NWD2: variants seen among roughly 807,000 people sequenced by gnomAD.
NWD2 encodes the protein NACHT and WD repeat domain containing 2, also known as NACHT and WD repeat domain-containing protein 2.
In NWD2, 37 loss-of-function variants were observed where a neutral mutation model predicts 132.7. The observed-to-expected ratio is 0.28, with a 90% CI of 0.21 to 0.37. The LOEUF (loss-of-function observed/expected upper bound fraction) is 0.37, where lower values mean the gene tolerates loss of function less well. Among genes scored for constraint, NWD2 ranks in the 10% least tolerant of loss-of-function variants. The probability of loss-of-function intolerance (pLI) is 1.00; values close to 1 mark genes in which losing one functional copy is unlikely to be tolerated. For synonymous variants in NWD2, 705 were observed against 803.0 expected, an observed-to-expected ratio of 0.88 and a Z score of 2.06; for missense variants, 1,592 against 2,122.4, an observed-to-expected ratio of 0.75 and a Z score of 4.91.
At chr4:37,423,380 A>G (rs1711880708) in intron 3 of NWD2, among the ~76,000 whole-genome samples, 1 of 152,170 alleles carries the variant, frequency 6.6e-6, no homozygotes, top group South Asian at 2.1e-4. Context: ...TCAAATATAT[A>G]TAGATGACTT....
chr4:37,405,305 G>A (rs972213187), intron 3 of NWD2, among the ~76,000 whole-genome samples: 9 of 152,142 alleles, frequency 5.9e-5, no homozygotes, highest in Non-Finnish European at 1.3e-4. Context: ...AACCATGTAA[G>A]GGAAGAGGTT....
chr4:37,286,083 T>TA (rs546106598), intron 1 of NWD2, among the ~76,000 whole-genome samples: 5 of 152,220 alleles, frequency 3.3e-5, no homozygotes, highest in Non-Finnish European at 7.4e-5. Flanking sequence ...ACTGAACAAG[T>TA]AGGATGTAAC....
chr4:37,362,359 A>G (rs1220102047), intron 3 of NWD2, among the ~76,000 whole-genome samples: 1 of 152,188 alleles, frequency 6.6e-6, no homozygotes, highest in Non-Finnish European at 1.5e-5. Context: ...GAATAGCCAA[A>G]ACAAAGCTAA....
intron 1 of NWD2, among the ~76,000 whole-genome samples, chr4:37,293,906 T>A (rs1629266): frequency 0.029 from 4,413 of 151,192 alleles, 224 homozygotes; most frequent in African/African-American, 0.1. Flanking sequence ...AAAAAAGATT[T>A]GGACTTTAAA....
intron 1 of NWD2, among the ~76,000 whole-genome samples, chr4:37,321,268 TA>T (rs1334129546): frequency 6.6e-6 from 1 of 152,146 alleles, no homozygotes; most frequent in East Asian, 1.9e-4. Context: ...TTATCTTCAA[TA>T]AAAAAATTGG....
intron 1 of NWD2, among the ~76,000 whole-genome samples, chr4:37,258,431 G>A (rs1359572789): frequency 6.6e-6 from 1 of 152,248 alleles, no homozygotes. Flanking sequence ...GGTCTTTTGA[G>A]TGAGTCAGTG....
In NWD2 at chr4:37,244,878, T is replaced by C. The variant is rs953039488; in HGVS notation, c.-190T>C. ...GCCGCGACAGGAGCCCGAGGGTCCG[T>C]ATGGCTTCTCCTCGCCGGCGGGTGC... On this transcript the variant is annotated 5_prime_UTR_variant, in exon 1 of 7. Coordinates refer to ENST00000309447, the MANE Select transcript of NWD2 (RefSeq NM_001144990.2). The surrounding 1 kb of genome is among the most constrained non-coding windows in gnomAD (Gnocchi z 5.5). The C allele has an allele frequency of 1.7e-5, 11 of 659,648 alleles. No individual in the cohort carries two copies. In the African/African-American group the frequency reaches 1.9e-4, roughly 12 times the overall value. The allele number at this position is 659,648 out of a possible 1,614,324, so 40.9% of individuals were successfully genotyped here.
intron 3 of NWD2, among the ~76,000 whole-genome samples, chr4:37,421,766 A>G (rs1399978001): frequency 1.3e-5 from 2 of 152,224 alleles, no homozygotes; most frequent in Non-Finnish European, 2.9e-5. Flanking sequence ...AATCACATTC[A>G]TTTTATTCAT....
Position 37,444,580 on chromosome 4 carries a change from G to A in NWD2, c.2592G>A (p.Met864Ile). The A allele has an allele frequency of 6.4e-7, 1 of 1,551,910 alleles. No individual in the cohort carries two copies. Among genetic ancestry groups the A allele is most frequent in the Non-Finnish European group, 8.7e-7 (1 of 1,147,052 alleles). Residue 864 changes from methionine (M) to isoleucine (I), a missense_variant, in exon 7 of 7, where the codon ATG becomes ATA. Coordinates refer to ENST00000309447, the MANE Select transcript of NWD2 (RefSeq NM_001144990.2). This position sits in a 1 kb window ranked among gnomAD's most constrained non-coding sequence, Gnocchi z 4.8. ...TGAACTTCAGCTGGCTTTATACCAT[G>A]ATCAAAATTGGCCAGTTTGACAAAG... ...IIMNFSWLYT[M>I]IKIGQFDKVL...
At chr4:37,285,817 C>A (rs946691129) in intron 1 of NWD2, among the ~76,000 whole-genome samples, 3 of 152,098 alleles carry the variant, frequency 2.0e-5, no homozygotes, top group African/African-American at 7.2e-5. Context: ...GTAGAAAATT[C>A]TGTGGTTCTC....
At chr4:37,266,120 A>G (rs1717747372) in intron 1 of NWD2, among the ~76,000 whole-genome samples, 1 of 151,800 alleles carries the variant, frequency 6.6e-6, no homozygotes, top group Non-Finnish European at 1.5e-5. Context: ...CACTTTTCAG[A>G]TTCTTATCCA....
chr4:37,311,772 T>C (rs377716354), intron 1 of NWD2, among the ~76,000 whole-genome samples: 2,391 of 139,608 alleles, frequency 0.017, 85 homozygotes, highest in African/African-American at 0.069. Flanking sequence ...GTCTAACATT[T>C]AAGTCTTTAA....
intron 6 of NWD2, among the ~76,000 whole-genome samples, chr4:37,440,395 C>G (rs1414227196): frequency 6.6e-6 from 1 of 152,176 alleles, no homozygotes; most frequent in African/African-American, 2.4e-5. Flanking sequence ...GGGCCAGTCC[C>G]AGCCCTGTAG....
chr4:37,356,869 C>T (rs76756413), intron 3 of NWD2, among the ~76,000 whole-genome samples: 1 of 152,122 alleles, frequency 6.6e-6, no homozygotes, highest in Non-Finnish European at 1.5e-5. Flanking sequence ...GAATTTCTGG[C>T]ATTTTTTAAC....
At chr4:37,370,713 C>T (rs186575795) in intron 3 of NWD2, among the ~76,000 whole-genome samples, 4 of 152,148 alleles carry the variant, frequency 2.6e-5, no homozygotes, top group East Asian at 3.8e-4. Flanking sequence ...AGATGAGATA[C>T]GCTTTTAAAG....
rs188680708 is a variant in NWD2 at position 37,412,784 on chromosome 4, T to C, written c.358-17788T>C. 3.9e-3 allele frequency among the ~76,000 whole-genome samples: 587 copies of C among 152,214 alleles called. 4 individuals carry two copies. The highest frequency in any genetic ancestry group is 0.013 in the African/African-American group (522 of 41,532). On this transcript the variant is annotated intron_variant, in intron 3 of 6. Transcript: ENST00000309447. Reference sequence around the variant, plus strand: ...CATGTTACTGTTACCAAAACAGATATATAGACCAATAGAACAGAACACAGG... The same window carrying C: ...CATGTTACTGTTACCAAAACAGATACATAGACCAATAGAACAGAACACAGG...
At chr4:37,315,354 A>G (rs1417402342) in intron 1 of NWD2, among the ~76,000 whole-genome samples, 1 of 152,100 alleles carries the variant, frequency 6.6e-6, no homozygotes, top group African/African-American at 2.4e-5. Context: ...TATTTCATCA[A>G]TTATTGAGAA....
At chr4:37,416,314 T>C (rs1479459428) in intron 3 of NWD2, among the ~76,000 whole-genome samples, 1 of 152,006 alleles carries the variant, frequency 6.6e-6, no homozygotes, top group Admixed American at 6.6e-5. Flanking sequence ...ATTTGTTATA[T>C]TTTTTAAATA....
intron 2 of NWD2, among the ~76,000 whole-genome samples, chr4:37,334,905 A>G (rs1719368124): frequency 6.6e-6 from 1 of 151,878 alleles, no homozygotes; most frequent in Admixed American, 6.6e-5. Flanking sequence ...CTCCCTAAAT[A>G]CTTCTCCAAT....
Sources: gnomAD v4.1 joint callset for allele counts (sites outside exome capture counted in the v4.1 genomes callset) on GRCh38, gnomAD v4.1.1 for gene constraint, Gnocchi (gnomAD v3.1) non-coding constraint, MANE v1.5 for transcripts, NCBI Gene and HGNC (gene_info 2026-07-23, HGNC 2026-07-21) for gene names.